The following PIGV variants were observed in gnomAD, a reference collection of about 807,000 sequenced individuals.
PIGV encodes phosphatidylinositol glycan anchor biosynthesis class V, also known as GPI alpha-1,6-mannosyltransferase 2.
In PIGV, 27 loss-of-function variants were observed where a neutral mutation model predicts 39.2. That is an observed-to-expected ratio of 0.69 (90% CI 0.51 to 0.95). The LOEUF (loss-of-function observed/expected upper bound fraction) is 0.95. Among genes scored for constraint, PIGV ranks in the 40% least tolerant of loss-of-function variants. The pLI is 0.00. For synonymous variants in PIGV, 232 were observed against 241.7 expected (o/e 0.96, Z 0.37); for missense variants, 523 against 586.4 (o/e 0.89, Z 1.12).
rs1263233608 is a variant in PIGV, at chr1:26,799,185, A to G, written c.*1341A>G. ...CCTTTCAATGAGGGAAAGCAGTAAC[A>G]TCTGGCAGATAAGGTGCCTGTTGTG... On this transcript the variant is annotated 3_prime_UTR_variant, in exon 4 of 4. Transcript: ENST00000674202. Among the ~76,000 whole-genome samples the G allele has an allele frequency of 6.6e-6, 1 of 152,234 alleles. No homozygotes were observed. The highest frequency in any genetic ancestry group is 1.5e-5 in the Non-Finnish European group (1 of 68,038).
chr1:26,794,802 G>A lies in PIGV; in HGVS notation c.768G>A (p.Gln256=). 4 of 1,613,950 alleles carry A rather than the reference G, an allele frequency of 2.5e-6. No homozygotes were observed. The highest frequency in any genetic ancestry group is 2.5e-6 in the Non-Finnish European group (3 of 1,179,956). ...FTLGLPFALF[Q]YYAYTQFCLP... Reference sequence around the variant, plus strand: ...TTGGCCTTCCCTTTGCCCTCTTTCAGTATTATGCCTACACCCAATTCTGTC... The same window carrying A: ...TTGGCCTTCCCTTTGCCCTCTTTCAATATTATGCCTACACCCAATTCTGTC... The change falls in exon 3 of 4, where the codon CAG becomes CAA. Residue 256 remains glutamine, a synonymous_variant. Transcript: ENST00000674202.
At chr1:26,793,716 C>T (rs2124191389) in intron 2 of PIGV, among the ~76,000 whole-genome samples, 1 of 152,302 alleles carries the variant, frequency 6.6e-6, no homozygotes, top group East Asian at 1.9e-4. Context: ...ATCCTCCCAT[C>T]TCAGCCCCCC....
chr1:26,791,314 G>A (rs2081306615), intron 2 of PIGV, among the ~76,000 whole-genome samples: 3 of 152,136 alleles, frequency 2.0e-5, no homozygotes, highest in African/African-American at 4.8e-5. Flanking sequence ...TGGGAGAAAC[G>A]TGGCAATGTG....
rs953059847 is a variant in PIGV at position 26,800,003 on chromosome 1, G to T, written c.*2159G>T. 6.6e-6 allele frequency among the ~76,000 whole-genome samples: 1 copy of T among 152,148 alleles called. No homozygotes were observed. The highest frequency in any genetic ancestry group is 1.5e-5 in the Non-Finnish European group (1 of 68,020). ...CTCCTTTTGGGGGATAATCAGGACT[G>T]ATTATTCCTCTACTGGAAGAGGTGA... is the stretch of plus-strand genomic sequence containing the variant. On this transcript the variant is annotated 3_prime_UTR_variant, in exon 4 of 4. Transcript: ENST00000674202.
chr1:26,796,967 C>T (rs1452725769), intron 3 of PIGV, among the ~76,000 whole-genome samples: 1 of 152,208 alleles, frequency 6.6e-6, no homozygotes, highest in African/African-American at 2.4e-5. Flanking sequence ...GTTGGAGTTG[C>T]ACATTGGCTG....
chr1:26,795,575 G>A lies in PIGV; in HGVS notation c.1200+341G>A, dbSNP rs185744655. 4.6e-5 allele frequency among the ~76,000 whole-genome samples: 7 copies of A among 151,830 alleles called. 1 individual carries two copies. In the East Asian group the frequency reaches 1.4e-3, roughly 30 times the overall value. On this transcript the variant is annotated intron_variant, in intron 3 of 3. Transcript: ENST00000674202. ...AAAATACAAAAATTAGCCGGGCGTG[G>A]TGGCAGGCACCTGTAATCCCAGCTA...
At position 26,794,437 on chromosome 1, in the gene PIGV, C is replaced by T. The variant is rs1389087489; in HGVS notation, c.403C>T (p.His135Tyr). 4 of 1,614,258 alleles carry T rather than the reference C, an allele frequency of 2.5e-6. No homozygotes were observed. The highest frequency in any genetic ancestry group is 1.1e-5 in the South Asian group (1 of 91,090). Reference sequence around the variant, plus strand: ...CTTCATGTTGGCTGCAGTTGCACTTCATGACCTGGGTTGTCTGGTTTTGCA... The same window carrying T: ...CTTCATGTTGGCTGCAGTTGCACTTTATGACCTGGGTTGTCTGGTTTTGCA... ...LFFMLAAVAL[H>Y]DLGCLVLHCP... is the part of the protein sequence containing the mutation. Residue 135 changes from histidine (H) to tyrosine (Y), a missense_variant, in exon 3 of 4, where the codon CAT (histidine) becomes TAT (tyrosine). By Grantham distance (83) the His-to-Tyr change is moderately conservative. Transcript: ENST00000674202.
In PIGV at chr1:26,798,599, C is replaced by T. The variant is rs115265614; in HGVS notation, c.*755C>T. Reference sequence around the variant, plus strand: ...GATGGTACACACCTGTAATCCTACTCGGGAGGCTGAGGCATGAGAATTGCT... The same window carrying T: ...GATGGTACACACCTGTAATCCTACTTGGGAGGCTGAGGCATGAGAATTGCT... On this transcript the variant is annotated 3_prime_UTR_variant, in exon 4 of 4. Transcript: ENST00000674202. Among the ~76,000 whole-genome samples the T allele has an allele frequency of 7.2e-3, 1,091 of 152,184 alleles. 12 individuals carry two copies. The highest frequency in any genetic ancestry group is 0.025 in the African/African-American group (1,025 of 41,530).
rs2124193175 is a variant in PIGV at position 26,794,164 on chromosome 1, C to T, written c.130C>T (p.Pro44Ser). Residue 44 changes from proline to serine, a missense_variant, in exon 3 of 4, where the codon CCT (proline) becomes TCT (serine). Coordinates refer to ENST00000674202, the MANE Select transcript of PIGV (RefSeq NM_017837.4). ...TCACCATGCAGAAGCCTTCTCTCCT[C>T]CTCGCCTGGCCCCCTCAGGCTTTGT... is the stretch of plus-strand genomic sequence containing the variant. ...PDHHAEAFSPPRLAPSGFVDQ... is the reference protein window; with the variant it reads ...PDHHAEAFSPSRLAPSGFVDQ... 1.2e-6 allele frequency: 2 copies of T among 1,614,250 alleles called. No homozygotes were observed. The highest frequency in any genetic ancestry group is 1.7e-6 in the Non-Finnish European group (2 of 1,180,038).
chr1:26,789,936 G>A (rs566325029), intron 1 of PIGV, among the ~76,000 whole-genome samples: 29 of 152,280 alleles, frequency 1.9e-4, no homozygotes, highest in African/African-American at 7.0e-4. Context: ...TTTAGCTCAA[G>A]GAATTATAAA....
chr1:26,795,237 G>A lies in PIGV; in HGVS notation c.1200+3G>A, dbSNP rs2081366374. On this transcript the variant is annotated splice_donor_region_variant and intron_variant, in intron 3 of 3. Transcript: ENST00000674202. Reference sequence around the variant, plus strand: ...GAGGTCTGTGCATGCATGTTCAGGTGAGGTGGATTCCTGACTGGGATAAGG... The same window carrying A: ...GAGGTCTGTGCATGCATGTTCAGGTAAGGTGGATTCCTGACTGGGATAAGG... 1 of 1,613,498 alleles carries A rather than the reference G, an allele frequency of 6.2e-7. No individual in the cohort carries two copies. The highest frequency in any genetic ancestry group is 8.5e-7 in the Non-Finnish European group (1 of 1,180,046).
At chr1:26,788,578 T>A (rs1371470416) in intron 1 of PIGV, 2 of 152,328 alleles carry the variant, frequency 1.3e-5, no homozygotes, top group East Asian at 3.8e-4. Flanking sequence ...GTCATAATCC[T>A]GGCTCGGAAA....
rs267606951 is a variant in PIGV, at chr1:26,795,188, A to G, written c.1154A>G (p.His385Arg). The G allele has an allele frequency of 1.9e-6, 3 of 1,614,020 alleles. No individual in the cohort carries two copies. Among genetic ancestry groups the G allele is most frequent in the Non-Finnish European group, 2.5e-6 (3 of 1,180,030 alleles). The stretch of plus-strand genomic sequence containing the variant: ...CCTCAGGTGTTTGTGTACGTGGTCC[A>G]CGCTGCAGTGCTGCTGCTGTTTGGA... ...LSPQVFVYVV[H>R]AAVLLLFGGL... Residue 385 changes from histidine to arginine, a missense_variant, in exon 3 of 4, where the codon CAC becomes CGC. By Grantham distance (29) the His-to-Arg change is conservative. Coordinates refer to ENST00000674202, the MANE Select transcript of PIGV (RefSeq NM_017837.4).
intron 3 of PIGV, 34 bp from the exon 4 acceptor site, chr1:26,797,529 A>C: frequency 1.3e-6 from 2 of 1,597,062 alleles, no homozygotes; most frequent in Non-Finnish European, 1.7e-6. Context: ...ACATTCCAGT[A>C]AATGTCTGGA....
chr1:26,796,287 G>T (rs1004895073), intron 3 of PIGV, among the ~76,000 whole-genome samples: 4 of 149,384 alleles, frequency 2.7e-5, no homozygotes, highest in Non-Finnish European at 5.9e-5. Flanking sequence ...TCCTGCCTCA[G>T]CCTCCCGAGT....
chr1:26,792,437 C>T (rs2081323982), intron 2 of PIGV, among the ~76,000 whole-genome samples: 1 of 151,714 alleles, frequency 6.6e-6, no homozygotes, highest in African/African-American at 2.4e-5. Flanking sequence ...ACGCCATTCT[C>T]CTGCCTCAGC....
rs2081261564 is a variant in PIGV, at chr1:26,788,173, T to TTCCAGCC, written c.-149_-143dup. The TTCCAGCC allele has an allele frequency of 6.6e-6, 1 of 152,398 alleles. No individual in the cohort carries two copies. The highest frequency in any genetic ancestry group is 2.4e-5 in the African/African-American group (1 of 41,480). The allele number at this position is 152,398 out of a possible 1,614,324, so 9.4% of individuals were successfully genotyped here. A position where few individuals can be genotyped will look rare whatever the true frequency, so the allele number is the denominator to read the frequency against. On this transcript the variant is annotated 5_prime_UTR_variant, in exon 1 of 4. The change abolishes the stop of an existing upstream ORF in the 5' untranslated region. Transcript: ENST00000674202. Reference sequence around the variant, plus strand: ...GCAGCCTCGGGCGCCGCCTCTTCCTTTCCAGCCTCCCGCCCTCGTCTGCTT... The same window carrying TTCCAGCC: ...GCAGCCTCGGGCGCCGCCTCTTCCTTTCCAGCCTCCAGCCTCCCGCCCTCGTCTGCTT...
At chr1:26,797,483 A>C in intron 3 of PIGV, 80 bp from the exon 4 acceptor site, 29 of 1,135,650 alleles carry the variant, frequency 2.6e-5, no homozygotes, top group Non-Finnish European at 3.2e-5. Flanking sequence ...ACCCAGCAGT[A>C]GAGAAGTCCC....
chr1:26,796,891 C>G (rs921009985), intron 3 of PIGV, among the ~76,000 whole-genome samples: 2 of 152,148 alleles, frequency 1.3e-5, no homozygotes, highest in African/African-American at 4.8e-5. Context: ...ATTTTCTGTT[C>G]TTGGCTGTGG....
Sources: gnomAD v4.1 joint callset for allele counts (sites outside exome capture counted in the v4.1 genomes callset) on GRCh38, gnomAD v4.1.1 for gene constraint, MANE v1.5 for transcripts, NCBI Gene and HGNC (gene_info 2026-07-23, HGNC 2026-07-21) for gene names.